Variants in SEM1 observed in about 807,000 individuals in gnomAD.
The protein encoded by SEM1 is SEM1 26S proteasome subunit.
Under a neutral mutation model 12.7 loss-of-function variants are expected in SEM1, and 3 were observed. That is an observed-to-expected ratio of 0.24 (90% confidence interval 0.11 to 0.61). SEM1 has a LOEUF of 0.61. SEM1 is among the 20% of genes least tolerant of loss of function. SEM1 has a pLI of 0.88. For synonymous variants in SEM1, 30 were observed against 27.8 expected (o/e 1.08, Z -0.25); for missense variants, 59 against 81.3 (o/e 0.73, Z 1.06).
At chr7:96,551,636 C>T (rs921106373) in intron 2 of SEM1, among the ~76,000 whole-genome samples, 4 of 142,342 alleles carry the variant, frequency 2.8e-5, no homozygotes, top group Non-Finnish European at 3.0e-5. Flanking sequence ...AACTGGGAGG[C>T]GGAGGTTGCA....
chr7:96,600,042 TGG>T (rs1362867877), intron 2 of SEM1, among the ~76,000 whole-genome samples: 1 of 152,180 alleles, frequency 6.6e-6, no homozygotes. Flanking sequence ...CCAAACCTTT[TGG>T]GGTGGGACAG....
intron 2 of SEM1, among the ~76,000 whole-genome samples, chr7:96,612,923 C>T (rs1203783244): frequency 2.0e-5 from 3 of 152,136 alleles, no homozygotes; most frequent in African/African-American, 7.2e-5. Context: ...GCGTGAGCCA[C>T]TGCACCCAGC....
intron 2 of SEM1, among the ~76,000 whole-genome samples, chr7:96,530,184 C>T (rs1391568129): frequency 6.6e-6 from 1 of 152,026 alleles, no homozygotes; most frequent in Non-Finnish European, 1.5e-5. Context: ...TAGGAAAGGC[C>T]ATAGCTTGTC....
At chr7:96,617,539 T>C (rs980153378) in intron 2 of SEM1, among the ~76,000 whole-genome samples, 1 of 152,206 alleles carries the variant, frequency 6.6e-6, no homozygotes, top group Non-Finnish European at 1.5e-5. Context: ...TTCCTTTTCT[T>C]GCCTGATTGC....
intron 2 of SEM1, among the ~76,000 whole-genome samples, chr7:96,593,073 G>A (rs762711249): frequency 6.9e-6 from 1 of 144,058 alleles, no homozygotes. Context: ...CATTCAAATT[G>A]TCCATTCCTG....
At chr7:96,586,522 G>A (rs1563073353) in intron 2 of SEM1, among the ~76,000 whole-genome samples, 2 of 152,122 alleles carry the variant, frequency 1.3e-5, no homozygotes, top group South Asian at 4.1e-4. Context: ...AATCCACACT[G>A]GGTCTGGTAA....
rs567571252 is a variant in SEM1 at position 96,676,647 on chromosome 7, G to A, written c.171-2788C>T. 2.6e-5 allele frequency among the ~76,000 whole-genome samples: 4 copies of A among 152,280 alleles called. No individual in the cohort carries two copies. The East Asian group carries it at 7.7e-4, about 29-fold the overall frequency. The stretch of plus-strand genomic sequence containing the variant: ...TTGAGAGATATCACGGAACGGTAAA[G>A]ATGACAAATTTTGCTGTACAATGCT... On this transcript the variant is annotated intron_variant, in intron 2 of 2. Transcript: ENST00000413065.
At chr7:96,605,430 T>C (rs1365643443) in intron 2 of SEM1, among the ~76,000 whole-genome samples, 1 of 152,208 alleles carries the variant, frequency 6.6e-6, no homozygotes, top group Non-Finnish European at 1.5e-5. Flanking sequence ...AGTAACTCTA[T>C]TTTTGGCACT....
chr7:96,551,600 G>T, intron 2 of SEM1, among the ~76,000 whole-genome samples: 1 of 151,556 alleles, frequency 6.6e-6, no homozygotes, highest in Admixed American at 6.6e-5. Flanking sequence ...AGCCATTCAG[G>T]AGGCCGAGGC....
chr7:96,593,600 C>A (rs1226842447), intron 2 of SEM1, among the ~76,000 whole-genome samples: 1 of 152,072 alleles, frequency 6.6e-6, no homozygotes, highest in Non-Finnish European at 1.5e-5. Context: ...TAGATTAAGA[C>A]CTCCAGAAAA....
chr7:96,650,422 G>T (rs1255499782), intron 2 of SEM1: 2 of 705,536 alleles, frequency 2.8e-6, no homozygotes, highest in East Asian at 5.3e-5. Context: ...CAGTAGATGG[G>T]CACCTCGCCC....
chr7:96,683,763 A>G (rs1294831394), downstream of SEM1, among the ~76,000 whole-genome samples: 1 of 152,212 alleles, frequency 6.6e-6, no homozygotes, highest in East Asian at 1.9e-4. Context: ...CATCATTCTC[A>G]GCAAACTAAC....
At chr7:96,546,821 T>G (rs542800700) in intron 2 of SEM1, among the ~76,000 whole-genome samples, 1 of 152,246 alleles carries the variant, frequency 6.6e-6, no homozygotes, top group African/African-American at 2.4e-5. Flanking sequence ...AAGGATAAAC[T>G]GTCATGCTTC....
At chr7:96,610,574 G>A (rs1202375227) in intron 2 of SEM1, among the ~76,000 whole-genome samples, 1 of 152,196 alleles carries the variant, frequency 6.6e-6, no homozygotes, top group African/African-American at 2.4e-5. Context: ...ACTTGTGTCA[G>A]TGACAATATA....
At position 96,504,380 on chromosome 7, in the gene SEM1, G is replaced by T. The variant is rs146519064; in HGVS notation, c.*60+2243C>A. ...TCCCCACTTTATTTTTCCCCAGTTA[G>T]GTTTTTTCAAAAACTTTTTAATATG... is the stretch of plus-strand genomic sequence containing the variant. On this transcript the variant is annotated intron_variant and NMD_transcript_variant, in intron 3 of 3. Transcript: ENST00000466986. Among the ~76,000 whole-genome samples, 553 of 152,046 alleles carry T rather than the reference G, an allele frequency of 3.6e-3. 2 individuals are homozygous for T. Among genetic ancestry groups the T allele is most frequent in the Non-Finnish European group, 6.8e-3 (460 of 67,962 alleles).
intron 2 of SEM1, among the ~76,000 whole-genome samples, chr7:96,588,353 A>AAC (rs56655484): frequency 2.4e-3 from 334 of 141,024 alleles, no homozygotes; most frequent in African/African-American, 8.3e-3. Flanking sequence ...TCTAAAAACA[A>AAC]ACACACACAC....
chr7:96,547,801 A>G, intron 2 of SEM1, among the ~76,000 whole-genome samples: 1 of 152,096 alleles, frequency 6.6e-6, no homozygotes. Flanking sequence ...TTCCCTGTAC[A>G]CAGGATTCTT....
intron 2 of SEM1, among the ~76,000 whole-genome samples, chr7:96,663,195 T>C (rs1439919219): frequency 6.6e-6 from 1 of 152,060 alleles, no homozygotes; most frequent in Admixed American, 6.6e-5. Context: ...AGAAAACATG[T>C]TGATAACTAC....
upstream of SEM1, among the ~76,000 whole-genome samples, chr7:96,500,379 C>T (rs925546726): frequency 6.6e-6 from 1 of 152,022 alleles, no homozygotes; most frequent in Non-Finnish European, 1.5e-5. Flanking sequence ...TACTTACTAC[C>T]TGTGTTTTTT....
Sources: gnomAD v4.1 joint callset for allele counts (sites outside exome capture counted in the v4.1 genomes callset) on GRCh38, gnomAD v4.1.1 for gene constraint, MANE v1.5 for transcripts, NCBI Gene and HGNC (gene_info 2026-07-23, HGNC 2026-07-21) for gene names.